The following C20orf173 variants were observed in gnomAD, a reference collection of about 807,000 sequenced individuals.
C20orf173 encodes chromosome 20 open reading frame 173, also known as uncharacterized protein C20orf173.
Under a neutral mutation model 26.7 loss-of-function variants are expected in C20orf173, and 22 were observed. The ratio of observed to expected loss-of-function variants is 0.82; its 90% CI spans 0.59 to 1.18. The LOEUF (loss-of-function observed/expected upper bound fraction) is 1.18, where lower values mean the gene tolerates loss of function less well. Among genes scored for constraint, C20orf173 ranks in the 50% most tolerant of loss-of-function variants. The probability of loss-of-function intolerance (pLI) is 0.00; values close to 1 mark genes in which losing one functional copy is unlikely to be tolerated. For synonymous variants in C20orf173, 85 were observed against 96.4 expected (o/e 0.88, Z 0.69); for missense variants, 210 against 250.3 (o/e 0.84, Z 1.09).
At position 35,529,291 on chromosome 20, in the gene C20orf173, G is replaced by A; in HGVS notation, c.83C>T (p.Pro28Leu). ...WLMTPYLDLT[P>L]ESAPQEKRMY... is the part of the protein sequence containing the mutation. ...TCGTTTTTCCTGGGGTGCTGATTCA[G>A]GTGTCAGATCCAGATAGGGGGTCAT... Residue 28 changes from proline to leucine, a missense_variant, in exon 2 of 6, where the codon CCT (proline) becomes CTT (leucine). By Grantham distance (98) the Pro-to-Leu change is moderately conservative. Transcript: ENST00000444723. The A allele has an allele frequency of 1.9e-6, 3 of 1,551,538 alleles. No homozygotes were observed. Among genetic ancestry groups the A allele is most frequent in the Non-Finnish European group, 1.7e-6 (2 of 1,146,992 alleles).
At chr20:35,524,717 A>G (rs1260524886), downstream of C20orf173, among the ~76,000 whole-genome samples, 5 of 131,050 alleles carry the variant, frequency 3.8e-5, no homozygotes, top group Non-Finnish European at 8.1e-5. Context: ...TTTTTTTTTG[A>G]GACAGAATTT....
downstream of C20orf173, chr20:35,522,168 C>G (rs2064479055): frequency 6.5e-6 from 1 of 152,686 alleles, no homozygotes; most frequent in East Asian, 1.9e-4. Flanking sequence ...CCACTTTCCC[C>G]TTTCCTTCCT....
downstream of C20orf173, among the ~76,000 whole-genome samples, chr20:35,524,410 A>C (rs2064491824): frequency 6.6e-6 from 1 of 152,040 alleles, no homozygotes; most frequent in Non-Finnish European, 1.5e-5. Flanking sequence ...AAAATTTTAC[A>C]GTCAAAAAAG....
chr20:35,528,407 C>T (rs2064520322), intron 4 of C20orf173, 44 bp downstream of exon 4: 1 of 1,548,010 alleles, frequency 6.5e-7, no homozygotes, highest in Admixed American at 2.0e-5. Context: ...GCAGTGACCT[C>T]CCCTCACCCC....
chr20:35,524,364 G>C (rs6060448), downstream of C20orf173, among the ~76,000 whole-genome samples: 55,993 of 151,886 alleles, frequency 0.37, 12,681 homozygotes, highest in African/African-American at 0.64. Context: ...TAAATTCAAA[G>C]CGTTTTGTCA....
downstream of C20orf173, among the ~76,000 whole-genome samples, chr20:35,523,900 G>A (rs755719517): frequency 7.2e-5 from 11 of 152,172 alleles, no homozygotes; most frequent in East Asian, 5.8e-4. Context: ...ACTTGAGCCC[G>A]TGAGTTCAAG....
downstream of C20orf173, among the ~76,000 whole-genome samples, chr20:35,525,569 G>C (rs1368002864): frequency 2.0e-5 from 3 of 152,074 alleles, no homozygotes; most frequent in Non-Finnish European, 2.9e-5. Context: ...AAAGATGAGG[G>C]AAATTTGGAA....
downstream of C20orf173, among the ~76,000 whole-genome samples, chr20:35,523,818 A>G (rs1030723232): frequency 2.6e-5 from 4 of 152,142 alleles, no homozygotes; most frequent in Non-Finnish European, 4.4e-5. Flanking sequence ...CAAAGAGGGA[A>G]ACAGAAGGGC....
downstream of C20orf173, chr20:35,520,888 A>T (rs17092742): frequency 6.6e-6 from 1 of 152,202 alleles, no homozygotes; most frequent in African/African-American, 2.4e-5. Flanking sequence ...TAGCAGAGTA[A>T]TCTCCATCCA....
At chr20:35,525,973 G>A (rs1242301859), downstream of C20orf173, among the ~76,000 whole-genome samples, 1 of 152,206 alleles carries the variant, frequency 6.6e-6, no homozygotes, top group African/African-American at 2.4e-5. Context: ...CCAAAAGTCT[G>A]ATTTTTTATT....
In C20orf173 at chr20:35,529,413, T is replaced by C. The variant is rs2064534835; in HGVS notation, c.-40A>G. The stretch of plus-strand genomic sequence containing the variant: ...GTGGCTCCCGTGGTGGGCCGTAGAC[T>C]GGCTTCTCTACCTGTAAGGATGAGG... On this transcript the variant is annotated 5_prime_UTR_variant, in exon 2 of 6. Transcript: ENST00000444723. 5 of 1,489,950 alleles carry C rather than the reference T, an allele frequency of 3.4e-6. No individual in the cohort carries two copies. The highest frequency in any genetic ancestry group is 4.5e-6 in the Non-Finnish European group (5 of 1,119,268). The allele number at this position is 1,489,950 out of a possible 1,614,324, so 92.3% of individuals were successfully genotyped here. A position where few individuals can be genotyped will look rare whatever the true frequency, so the allele number is the denominator to read the frequency against.
downstream of C20orf173, among the ~76,000 whole-genome samples, chr20:35,524,604 A>G (rs2064492774): frequency 1.3e-5 from 2 of 152,234 alleles, no homozygotes; most frequent in African/African-American, 4.8e-5. Context: ...CTAAAAGTCA[A>G]CAATCTACTA....
downstream of C20orf173, among the ~76,000 whole-genome samples, chr20:35,524,699 A>ATT (rs11483123): frequency 4.4e-4 from 63 of 142,390 alleles, no homozygotes; most frequent in Admixed American, 8.6e-4. Context: ...GTTCATGATA[A>ATT]TTTTTTTTTT....
downstream of C20orf173, among the ~76,000 whole-genome samples, chr20:35,521,344 C>T (rs893442573): frequency 1.3e-5 from 2 of 152,006 alleles, no homozygotes; most frequent in African/African-American, 4.8e-5. Flanking sequence ...CCCCAGAGCC[C>T]AGAAAAGAGA....
At chr20:35,521,749 C>T (rs2064476715), downstream of C20orf173, among the ~76,000 whole-genome samples, 1 of 152,052 alleles carries the variant, frequency 6.6e-6, no homozygotes, top group African/African-American at 2.4e-5. Context: ...GCTAGGATTA[C>T]AGGCATGCGC....
intron 5 of C20orf173, 125 bp downstream of exon 5, chr20:35,528,108 C>T: frequency 1.3e-6 from 1 of 797,410 alleles, no homozygotes; most frequent in East Asian, 2.7e-5. Flanking sequence ...AGGGATGACC[C>T]TGACCCTGGT....
chr20:35,529,539 C>G lies in C20orf173; in HGVS notation c.-52+20G>C. The G allele has an allele frequency of 1.5e-6, 1 of 648,776 alleles. No homozygotes were observed. Among genetic ancestry groups the G allele is most frequent in the Non-Finnish European group, 2.6e-6 (1 of 381,806 alleles). The allele number at this position is 648,776 out of a possible 1,614,324, so 40.2% of individuals were successfully genotyped here. A position where few individuals can be genotyped will look rare whatever the true frequency, so the allele number is the denominator to read the frequency against. Reference sequence around the variant, plus strand: ...CTCCTTCCAACCCCTCCTCTCCTGCCTCACTATCCATTTGCTCACCCTCAA... The same window carrying G: ...CTCCTTCCAACCCCTCCTCTCCTGCGTCACTATCCATTTGCTCACCCTCAA... On this transcript the variant is annotated intron_variant, in intron 1 of 5. Coordinates refer to ENST00000444723, the MANE Select transcript of C20orf173 (RefSeq NM_001145350.2).
At chr20:35,528,616 C>A in intron 3 of C20orf173, 72 bp from the exon 4 acceptor site, 1 of 1,547,244 alleles carries the variant, frequency 6.5e-7, no homozygotes, top group Non-Finnish European at 8.7e-7. Context: ...TTGGGGCCTG[C>A]TTCATCTTGG....
Position 35,528,242 on chromosome 20 carries a change from G to A in C20orf173, c.*16C>T. The A allele has an allele frequency of 6.4e-7, 1 of 1,551,904 alleles. No individual in the cohort carries two copies. Among genetic ancestry groups the A allele is most frequent in the Admixed American group, 2.0e-5 (1 of 50,976 alleles). On this transcript the variant is annotated 3_prime_UTR_variant, in exon 5 of 6. Coordinates refer to ENST00000444723, the MANE Select transcript of C20orf173 (RefSeq NM_001145350.2). ...TCCTATTCCCCCTCACCGTGTCTTT[G>A]CTATCTTCCACTCCACTAGGGAACC...
Sources: allele counts gnomAD v4.1 joint callset (sites outside exome capture counted in the v4.1 genomes callset), GRCh38; gene constraint gnomAD v4.1.1; transcripts MANE v1.5; gene names NCBI Gene and HGNC (gene_info 2026-07-23, HGNC 2026-07-21).